Variants in CDH9 observed in about 807,000 individuals in gnomAD.
CDH9 encodes cadherin-9.
A neutral mutation model predicts 70.9 loss-of-function variants in CDH9; 28 were observed. The observed-to-expected ratio is 0.40, with a 90% CI of 0.29 to 0.54. The LOEUF (loss-of-function observed/expected upper bound fraction) is 0.54. Ranked by LOEUF, CDH9 falls within the 20% of genes least tolerant of loss-of-function variation. CDH9 has a pLI of 0.59. For synonymous variants in CDH9, 409 were observed against 343.1 expected (o/e 1.19, Z -2.12); for missense variants, 874 against 984.4 (o/e 0.89, Z 1.50).
intron 7 of CDH9, among the ~76,000 whole-genome samples, chr5:26,893,025 A>C (rs1368876180): frequency 6.6e-6 from 1 of 152,030 alleles, no homozygotes; most frequent in Non-Finnish European, 1.5e-5. Context: ...GAACCACCAC[A>C]CCCTGCCAGT....
At chr5:26,941,853 G>A (rs1394484299) in intron 2 of CDH9, among the ~76,000 whole-genome samples, 1 of 152,194 alleles carries the variant, frequency 6.6e-6, no homozygotes, top group African/African-American at 2.4e-5. Context: ...CAGTTATGGA[G>A]GCTGGGAAGT....
In CDH9 at chr5:26,915,655, G is replaced by A. The variant is rs760224094; in HGVS notation, c.498C>T (p.Ala166=). 1 of 1,599,186 alleles carries A rather than the reference G, an allele frequency of 6.3e-7. No individual in the cohort carries two copies. The highest frequency in any genetic ancestry group is 1.7e-5 in the Admixed American group (1 of 59,946). The change falls in exon 3 of 12, where the codon GCC becomes GCT. Residue 166 remains alanine (A), a synonymous_variant. Transcript: ENST00000231021. The part of the protein sequence containing the change: ...EPKFTKDLYT[A]SVPEMSGVGT... ...CGACTCCAGACATTTCAGGAACACT[G>A]GCAGTGTATAAGTCTTTTGTAAATT...
Position 26,953,127 on chromosome 5 carries a change from T to A in CDH9, c.228+34979A>T, listed in dbSNP as rs1459717697. Among the ~76,000 whole-genome samples, 6 of 152,200 alleles carry A rather than the reference T, an allele frequency of 3.9e-5. No homozygotes were observed. The East Asian group carries it at 7.8e-4, about 20-fold the overall frequency. On this transcript the variant is annotated intron_variant, in intron 2 of 11. Coordinates refer to ENST00000231021, the MANE Select transcript of CDH9 (RefSeq NM_016279.4). ...TATCATTCTGGAACATTTTTCTCTA[T>A]CTTGTATTGTAAAATATTAAAGTTC... is the stretch of plus-strand genomic sequence containing the variant.
intron 2 of CDH9, among the ~76,000 whole-genome samples, chr5:26,926,163 C>A (rs1337059266): frequency 6.6e-6 from 1 of 152,118 alleles, no homozygotes; most frequent in Non-Finnish European, 1.5e-5. Flanking sequence ...TCCCTGTTTG[C>A]AGATGGCATG....
intron 6 of CDH9, chr5:26,903,375 A>G: frequency 1.8e-6 from 1 of 561,228 alleles, no homozygotes; most frequent in Non-Finnish European, 3.2e-6. Context: ...CTATGGAGAA[A>G]TACAAAACAA....
chr5:26,899,141 A>T lies in CDH9; in HGVS notation c.1253+3335T>A, dbSNP rs1414233946. 3.3e-5 allele frequency among the ~76,000 whole-genome samples: 5 copies of T among 152,176 alleles called. No individual in the cohort carries two copies. In the South Asian group the frequency reaches 1.0e-3, roughly 32 times the overall value. ...ATGAGACACCATCTCCATCAATTAG[A>T]ATGGCAACCATCAAAAAGTGAGGAA... On this transcript the variant is annotated intron_variant, in intron 7 of 11. Transcript: ENST00000231021.
chr5:27,032,007 A>G (rs1037223575), intron 1 of CDH9, among the ~76,000 whole-genome samples: 2 of 151,850 alleles, frequency 1.3e-5, no homozygotes, highest in African/African-American at 4.8e-5. Context: ...ATATTTAGCT[A>G]TTGAAAAACC....
intron 2 of CDH9, among the ~76,000 whole-genome samples, chr5:26,952,652 A>AAG (rs1554000026): frequency 1.1e-3 from 153 of 141,414 alleles, no homozygotes; most frequent in Non-Finnish European, 1.3e-3. Flanking sequence ...AAAAAAAAAA[A>AAG]AAAGAAAGAA....
chr5:26,990,402 A>G (rs1742561140), intron 1 of CDH9, among the ~76,000 whole-genome samples: 2 of 152,128 alleles, frequency 1.3e-5, no homozygotes, highest in South Asian at 4.1e-4. Flanking sequence ...CTCTTAATAC[A>G]TATATATGGT....
intron 9 of CDH9, among the ~76,000 whole-genome samples, chr5:26,887,945 C>T (rs1321821011): frequency 1.3e-5 from 2 of 152,118 alleles, no homozygotes; most frequent in African/African-American, 2.4e-5. Context: ...ATAGATAGCC[C>T]TGCTGCGTGT....
chr5:26,971,484 T>C (rs1036637370), intron 2 of CDH9, among the ~76,000 whole-genome samples: 2 of 152,196 alleles, frequency 1.3e-5, no homozygotes, highest in African/African-American at 4.8e-5. Flanking sequence ...ATTCACTAAA[T>C]ATAAGAACTA....
At chr5:26,942,918 G>A (rs772256685) in intron 2 of CDH9, among the ~76,000 whole-genome samples, 5 of 152,096 alleles carry the variant, frequency 3.3e-5, no homozygotes, top group Non-Finnish European at 7.4e-5. Flanking sequence ...GTAATGCAAA[G>A]GATGTGTCCC....
intron 5 of CDH9, among the ~76,000 whole-genome samples, chr5:26,904,982 T>C (rs1410073658): frequency 6.6e-6 from 1 of 152,066 alleles, no homozygotes; most frequent in Non-Finnish European, 1.5e-5. Context: ...AATGCAAAGA[T>C]TAAGTTTATG....
At chr5:27,035,709 T>G (rs1449428272) in intron 1 of CDH9, among the ~76,000 whole-genome samples, 5 of 148,594 alleles carry the variant, frequency 3.4e-5, no homozygotes, top group East Asian at 2.0e-4. Flanking sequence ...TGTGTGTGTG[T>G]GGGTGTGTGT....
intron 1 of CDH9, among the ~76,000 whole-genome samples, chr5:27,025,271 A>G (rs570171823): frequency 6.6e-6 from 1 of 152,212 alleles, no homozygotes; most frequent in South Asian, 2.1e-4. Context: ...TTTTAAGGAA[A>G]GTTTTCCAAG....
At chr5:26,926,133 G>T (rs923739558) in intron 2 of CDH9, among the ~76,000 whole-genome samples, 1 of 152,112 alleles carries the variant, frequency 6.6e-6, no homozygotes, top group Non-Finnish European at 1.5e-5. Flanking sequence ...ATTCAATTAG[G>T]AAAAGAGGAA....
chr5:26,949,094 G>A (rs1374586870), intron 2 of CDH9, among the ~76,000 whole-genome samples: 1 of 152,002 alleles, frequency 6.6e-6, no homozygotes, highest in African/African-American at 2.4e-5. Flanking sequence ...ATATTTCTAG[G>A]CTTAGGGTTA....
Position 26,890,388 on chromosome 5 carries a change from T to C in CDH9, c.1390+40A>G. On this transcript the variant is annotated intron_variant, in intron 8 of 11. Transcript: ENST00000231021. ...TGGTGCTATTATTTTACCACTTTGATGAAAGACAGTGTCTTCGGGTAGATG... is the reference window on the plus strand; with the variant it reads ...TGGTGCTATTATTTTACCACTTTGACGAAAGACAGTGTCTTCGGGTAGATG... 1.9e-6 allele frequency: 3 copies of C among 1,582,550 alleles called. No individual in the cohort carries two copies. The South Asian group carries it at 3.3e-5, about 18-fold the overall frequency.
chr5:26,996,409 T>G (rs1333127924), intron 1 of CDH9, among the ~76,000 whole-genome samples: 1 of 152,050 alleles, frequency 6.6e-6, no homozygotes, highest in Admixed American at 6.6e-5. Flanking sequence ...ATTTTGTGGT[T>G]TTGGAAAATG....
Sources: allele counts gnomAD v4.1 joint callset (sites outside exome capture counted in the v4.1 genomes callset), GRCh38; gene constraint gnomAD v4.1.1; transcripts MANE v1.5; gene names NCBI Gene and HGNC (gene_info 2026-07-23, HGNC 2026-07-21).